Variants in LDB1 observed in about 807,000 individuals in gnomAD.
LDB1 encodes the protein LIM domain binding 1.
A neutral mutation model predicts 49.7 loss-of-function variants in LDB1; 6 were observed. That is an observed-to-expected ratio of 0.12 (90% CI 0.07 to 0.24). The LOEUF (loss-of-function observed/expected upper bound fraction) is 0.24, where lower values mean the gene tolerates loss of function less well. Ranked by LOEUF, LDB1 falls within the 10% of genes least tolerant of loss-of-function variation. LDB1 has a pLI of 1.00. For synonymous variants in LDB1, 233 were observed against 202.0 expected, an observed-to-expected ratio of 1.15 and a Z score of -1.30; for missense variants, 341 against 561.7, an observed-to-expected ratio of 0.61 and a Z score of 3.97.
chr10:102,120,903 G>A (rs567658869), upstream of LDB1, among the ~76,000 whole-genome samples: 3 of 152,274 alleles, frequency 2.0e-5, no homozygotes, highest in South Asian at 2.1e-4. Context: ...CCCCCTGTCC[G>A]TGCTCCCTGC....
chr10:102,105,220 T>C (rs930817027), downstream of LDB1, among the ~76,000 whole-genome samples: 3 of 152,078 alleles, frequency 2.0e-5, no homozygotes, highest in African/African-American at 7.2e-5. Context: ...AGTTGGCTGG[T>C]AAATGTCCTT....
At position 102,108,832 on chromosome 10, in the gene LDB1, G is replaced by C; in HGVS notation, c.1005+197C>G. ...TCCCTTTATGCCCTAGCTTCCTATGGCTGAGTCTGTGTGATCACACCCATG... is the reference window on the plus strand; with the variant it reads ...TCCCTTTATGCCCTAGCTTCCTATGCCTGAGTCTGTGTGATCACACCCATG... On this transcript the variant is annotated intron_variant, in intron 10 of 10. Coordinates refer to ENST00000673968, the MANE Select transcript of LDB1 (RefSeq NM_001113407.3). The C allele has an allele frequency of 4.4e-6, 3 of 683,156 alleles. No homozygotes were observed. The South Asian group carries it at 5.4e-5, about 12-fold the overall frequency. The allele number at this position is 683,156 out of a possible 1,614,324, so 42.3% of individuals were successfully genotyped here. A position where few individuals can be genotyped will look rare whatever the true frequency, so the allele number is the denominator to read the frequency against.
chr10:102,111,604 G>A (rs1590284270), intron 1 of LDB1, 68 bp from the exon 2 acceptor site: 2 of 899,706 alleles, frequency 2.2e-6, no homozygotes, highest in East Asian at 5.3e-5. Context: ...CACTTTGGGA[G>A]TCCAAGGCAA....
Position 102,109,702 on chromosome 10 carries a change from C to T in LDB1, c.649-19G>A. On this transcript the variant is annotated intron_variant, in intron 7 of 10. Transcript: ENST00000673968. This position sits in a 1 kb window ranked among gnomAD's most constrained non-coding sequence, Gnocchi z 5.8. ...CTTGGGCCTAGAGTGGGAGAAAAGA[C>T]AAGAAAGAACACTGACACCTGGGTT... is the stretch of plus-strand genomic sequence containing the variant. The T allele has an allele frequency of 6.2e-7, 1 of 1,612,000 alleles. No individual in the cohort carries two copies. Among genetic ancestry groups the T allele is most frequent in the Non-Finnish European group, 8.5e-7 (1 of 1,178,156 alleles).
chr10:102,110,738 C>A (rs182249756), intron 5 of LDB1, 37 bp from the exon 6 acceptor site: 20 of 1,601,820 alleles, frequency 1.2e-5, no homozygotes, highest in Non-Finnish European at 1.7e-5. Context: ...GACAAAGGGA[C>A]CGCAAAAGGG....
rs964351840 is a variant in LDB1 at position 102,107,715 on chromosome 10, C to G, written c.*378G>C. ...AACGAAGCCCCGTAACTTTAAGTCCCTAAGGGCTGTGGGTATAGACAACCC... is the reference window on the plus strand; with the variant it reads ...AACGAAGCCCCGTAACTTTAAGTCCGTAAGGGCTGTGGGTATAGACAACCC... On this transcript the variant is annotated 3_prime_UTR_variant, in exon 11 of 11. Coordinates refer to ENST00000673968, the MANE Select transcript of LDB1 (RefSeq NM_001113407.3). The G allele has an allele frequency of 2.0e-5, 5 of 255,550 alleles. No individual in the cohort carries two copies. The highest frequency in any genetic ancestry group is 5.0e-5 in the Admixed American group (1 of 19,902). The allele number at this position is 255,550 out of a possible 1,614,324, so 15.8% of individuals were successfully genotyped here. A position where few individuals can be genotyped will look rare whatever the true frequency, so the allele number is the denominator to read the frequency against.
chr10:102,112,421 A>C (rs2068268993), intron 1 of LDB1, among the ~76,000 whole-genome samples: 1 of 152,144 alleles, frequency 6.6e-6, no homozygotes, highest in Non-Finnish European at 1.5e-5. Flanking sequence ...TAGAGACCAA[A>C]GTGGGGGAGG....
intron 1 of LDB1, among the ~76,000 whole-genome samples, chr10:102,118,017 C>G (rs35366855): frequency 0.081 from 12,276 of 152,076 alleles, 639 homozygotes; most frequent in Non-Finnish European, 0.12. Context: ...GAGACTCAGA[C>G]AGGCAGGCAG....
At chr10:102,111,617 A>T in intron 1 of LDB1, 81 bp from the exon 2 acceptor site, 1 of 756,604 alleles carries the variant, frequency 1.3e-6, no homozygotes, top group South Asian at 2.0e-5. Context: ...CAAGGCAAGA[A>T]GATTGATTGA....
chr10:102,119,985 G>A, intron 1 of LDB1, 101 bp downstream of exon 1: 3 of 904,272 alleles, frequency 3.3e-6, no homozygotes, highest in Middle Eastern at 2.4e-4. Flanking sequence ...CTTCCCCCAT[G>A]CCATCGACGC....
chr10:102,108,180 T>C lies in LDB1; in HGVS notation c.1149A>G (p.Ala383=), dbSNP rs544355478. The change falls in exon 11 of 11, where the codon GCA becomes GCG. Residue 383 remains alanine (A), a synonymous_variant. Transcript: ENST00000673968. ...TGTTCCAGGGGCTGTTGGCGCCCAG[T>C]GCAGGGGAGTTGTTAAAGCTGTCCT... The part of the protein sequence containing the change: ...DDEDSFNNSP[A]LGANSPWNSK... 3.1e-6 allele frequency: 5 copies of C among 1,614,086 alleles called. No individual in the cohort carries two copies. The highest frequency in any genetic ancestry group is 1.6e-4 in the Middle Eastern group (1 of 6,062).
rs1416474166 is a variant in LDB1, at chr10:102,117,343, C to T, written c.25+2743G>A. Among the ~76,000 whole-genome samples the T allele has an allele frequency of 6.6e-6, 1 of 152,214 alleles. No individual in the cohort carries two copies. The highest frequency in any genetic ancestry group is 1.5e-5 in the Non-Finnish European group (1 of 68,032). ...CCTTTCTCTGCTCTGACCAGATTTA[C>T]CCAGTTGCACAGGGGCAGAACAGGT... On this transcript the variant is annotated intron_variant, in intron 1 of 10. Transcript: ENST00000673968. The surrounding 1 kb of genome is among the most constrained non-coding windows in gnomAD (Gnocchi z 4.2).
Position 102,110,679 on chromosome 10 carries a change from T to C in LDB1, c.375A>G (p.Pro125=). 6.2e-7 allele frequency: 1 copy of C among 1,613,562 alleles called. No homozygotes were observed. Among genetic ancestry groups the C allele is most frequent in the Non-Finnish European group, 8.5e-7 (1 of 1,179,704 alleles). The change falls in exon 6 of 11, where the codon CCA becomes CCG. Residue 125 remains proline (P), a synonymous_variant. Coordinates refer to ENST00000673968, the MANE Select transcript of LDB1 (RefSeq NM_001113407.3). ...CCTCAAAGATGCTGCGGAAGTAGCG[T>C]GGGATCAGGGTCCGGCCAATGGCTG... The part of the protein sequence containing the change: ...KRYTIGRTLI[P]RYFRSIFEGG...
At chr10:102,119,161 C>T (rs544749834) in intron 1 of LDB1, among the ~76,000 whole-genome samples, 8 of 152,254 alleles carry the variant, frequency 5.3e-5, no homozygotes, top group Admixed American at 2.6e-4. Context: ...TGACTCCAGT[C>T]TGGGGCAGGA....
intron 10 of LDB1, 83 bp from the exon 11 acceptor site, chr10:102,108,406 AC>A: frequency 9.3e-7 from 1 of 1,072,224 alleles, no homozygotes; most frequent in African/African-American, 1.6e-5. Context: ...GAGCCCCAGT[AC>A]CCACCCTGGA....
At chr10:102,112,968 G>A (rs139316882) in intron 1 of LDB1, among the ~76,000 whole-genome samples, 62 of 152,314 alleles carry the variant, frequency 4.1e-4, no homozygotes, top group African/African-American at 1.3e-3. Flanking sequence ...CCAGATAGGA[G>A]GGGAAACTGA....
intron 1 of LDB1, among the ~76,000 whole-genome samples, chr10:102,119,080 G>C (rs1040450284): frequency 1.1e-4 from 17 of 152,276 alleles, no homozygotes; most frequent in Non-Finnish European, 1.6e-4. Context: ...TGGGGGAGTG[G>C]TGGGTGTCCA....
intron 1 of LDB1, among the ~76,000 whole-genome samples, chr10:102,116,917 A>T (rs978063699): frequency 2.0e-5 from 3 of 150,912 alleles, no homozygotes; most frequent in African/African-American, 7.3e-5. Context: ...ATTCACAGGC[A>T]GTACCTCAAG....
rs374872065 is a variant in LDB1 at position 102,117,698 on chromosome 10, G to A, written c.25+2388C>T. ...TCCTCCCCTCCCCCTACTCCTCCCT[G>A]CCTTAACCCTTCTGAGCCACATGCT... On this transcript the variant is annotated intron_variant, in intron 1 of 10. Coordinates refer to ENST00000673968, the MANE Select transcript of LDB1 (RefSeq NM_001113407.3). This position sits in a 1 kb window ranked among gnomAD's most constrained non-coding sequence, Gnocchi z 4.2. Among the ~76,000 whole-genome samples, 2 of 152,134 alleles carry A rather than the reference G, an allele frequency of 1.3e-5. No homozygotes were observed. Among genetic ancestry groups the A allele is most frequent in the South Asian group, 2.1e-4 (1 of 4,804 alleles).
Sources: allele counts gnomAD v4.1 joint callset (sites outside exome capture counted in the v4.1 genomes callset), GRCh38; gene constraint gnomAD v4.1.1; non-coding constraint Gnocchi (gnomAD v3.1); transcripts MANE v1.5; gene names NCBI Gene and HGNC (gene_info 2026-07-23, HGNC 2026-07-21).